FAF1: variants seen among roughly 807,000 people sequenced by gnomAD.
FAF1 encodes FAS-associated factor 1.
A neutral mutation model predicts 92.5 loss-of-function variants in FAF1; 25 were observed. The ratio of observed to expected loss-of-function variants is 0.27; its 90% CI spans 0.20 to 0.38. The LOEUF is 0.38. Among genes scored for constraint, FAF1 ranks in the 10% least tolerant of loss-of-function variants. The pLI is 1.00. For synonymous variants in FAF1, 234 were observed against 273.2 expected (o/e 0.86, Z 1.42); for missense variants, 636 against 793.3 (o/e 0.80, Z 2.38).
intron 7 of FAF1, among the ~76,000 whole-genome samples, chr1:50,673,256 C>CA (rs1387262409): frequency 0.017 from 1,961 of 118,326 alleles, 42 homozygotes; most frequent in African/African-American, 0.053. Flanking sequence ...GACTCTGTCT[C>CA]AAAAAAAAAA....
chr1:50,498,518 T>C (rs1302260552), intron 15 of FAF1, among the ~76,000 whole-genome samples: 1 of 152,130 alleles, frequency 6.6e-6, no homozygotes, highest in Non-Finnish European at 1.5e-5. Context: ...CCAGAATATA[T>C]AATAAACTCC....
chr1:50,453,842 G>T (rs1478691104), intron 18 of FAF1, among the ~76,000 whole-genome samples: 1 of 152,122 alleles, frequency 6.6e-6, no homozygotes, highest in East Asian at 1.9e-4. Context: ...CAGTTTAGTT[G>T]CCATATCCAC....
At position 50,539,638 on chromosome 1, in the gene FAF1, A is replaced by T; in HGVS notation, c.1359T>A (p.Ile453=). 6.2e-7 allele frequency: 1 copy of T among 1,612,892 alleles called. No individual in the cohort carries two copies. Among genetic ancestry groups the T allele is most frequent in the Non-Finnish European group, 8.5e-7 (1 of 1,179,192 alleles). The part of the protein sequence containing the change: ...QKTDQFPLFL[I]IMGKRSSNEV... ...CATTAGATGATCGCTTTCCCATAAT[A>T]ATCAGGAAAAGCGGAAACTGATCCG... is the stretch of plus-strand genomic sequence containing the variant. The change falls in exon 14 of 19, where the codon ATT becomes ATA. Residue 453 remains isoleucine, a synonymous_variant. Coordinates refer to ENST00000396153, the MANE Select transcript of FAF1 (RefSeq NM_007051.3).
At chr1:50,501,440 G>A (rs1572789241) in intron 15 of FAF1, among the ~76,000 whole-genome samples, 7 of 152,192 alleles carry the variant, frequency 4.6e-5, no homozygotes, top group East Asian at 1.9e-4. Flanking sequence ...CAAGGCAGGC[G>A]GATCACGAGG....
At chr1:50,822,999 T>G (rs1054764253) in intron 2 of FAF1, among the ~76,000 whole-genome samples, 3 of 152,020 alleles carry the variant, frequency 2.0e-5, no homozygotes, top group African/African-American at 4.8e-5. Flanking sequence ...GTCTCCAACT[T>G]CCGACCTCAG....
At chr1:50,826,946 C>T (rs955361235) in intron 2 of FAF1, among the ~76,000 whole-genome samples, 23 of 151,416 alleles carry the variant, frequency 1.5e-4, no homozygotes, top group South Asian at 6.3e-4. Flanking sequence ...TGTGCCCGGC[C>T]GCCCCGTCTG....
intron 1 of FAF1, among the ~76,000 whole-genome samples, chr1:50,922,476 A>AAAG (rs1644972298): frequency 6.8e-6 from 1 of 147,394 alleles, no homozygotes; most frequent in African/African-American, 2.5e-5. Context: ...AAAAAAAAAA[A>AAAG]AAAAAAGAAA....
chr1:50,453,921 G>A (rs1212975202), intron 18 of FAF1, among the ~76,000 whole-genome samples: 1 of 152,188 alleles, frequency 6.6e-6, no homozygotes, highest in Admixed American at 6.5e-5. Flanking sequence ...CTGCAAACCT[G>A]CCTCCTGACC....
At chr1:50,653,071 C>A (rs913943660) in intron 8 of FAF1, among the ~76,000 whole-genome samples, 19 of 152,092 alleles carry the variant, frequency 1.2e-4, no homozygotes, top group Admixed American at 1.2e-3. Flanking sequence ...CATGCCTCCT[C>A]AGGTAAACAG....
chr1:50,505,012 T>C (rs541755118), intron 15 of FAF1, among the ~76,000 whole-genome samples: 11 of 152,322 alleles, frequency 7.2e-5, no homozygotes, highest in African/African-American at 1.4e-4. Flanking sequence ...CTTGTAAGAC[T>C]GTAGAAGTCT....
intron 2 of FAF1, among the ~76,000 whole-genome samples, chr1:50,818,280 T>C (rs1643997418): frequency 6.6e-6 from 1 of 152,188 alleles, no homozygotes; most frequent in African/African-American, 2.4e-5. Flanking sequence ...GGAACTCTCA[T>C]ACATTACTGG....
intron 1 of FAF1, among the ~76,000 whole-genome samples, chr1:50,955,581 T>TC (rs1349779986): frequency 6.6e-6 from 1 of 152,126 alleles, no homozygotes; most frequent in Non-Finnish European, 1.5e-5. Flanking sequence ...ATATGACAGT[T>TC]CCTCAAAAAA....
At chr1:50,504,866 T>G (rs1647040665) in intron 15 of FAF1, among the ~76,000 whole-genome samples, 1 of 152,170 alleles carries the variant, frequency 6.6e-6, no homozygotes. Flanking sequence ...CAAGCAGTAT[T>G]GAAATCAATT....
At chr1:50,569,296 CAA>C (rs1430002781) in intron 12 of FAF1, among the ~76,000 whole-genome samples, 1 of 152,126 alleles carries the variant, frequency 6.6e-6, no homozygotes, top group Non-Finnish European at 1.5e-5. Context: ...CTAAATTTCT[CAA>C]AAGAGAGAAT....
intron 1 of FAF1, among the ~76,000 whole-genome samples, chr1:50,952,730 G>A (rs548654875): frequency 6.6e-6 from 1 of 152,048 alleles, no homozygotes; most frequent in Admixed American, 6.5e-5. Flanking sequence ...ACCCCGTCTG[G>A]GAACTGAGGA....
chr1:50,695,189 C>T (rs560641971), intron 7 of FAF1, among the ~76,000 whole-genome samples: 145 of 152,056 alleles, frequency 9.5e-4, no homozygotes, highest in Non-Finnish European at 1.8e-3. Flanking sequence ...AGGTGGATCA[C>T]CAGAGGTCAG....
chr1:50,580,814 C>T (rs973937129), intron 12 of FAF1, among the ~76,000 whole-genome samples: 1 of 152,114 alleles, frequency 6.6e-6, no homozygotes. Flanking sequence ...ACCTATTATC[C>T]AGGCTGGAGT....
chr1:50,954,491 C>T (rs1645247636), intron 1 of FAF1, among the ~76,000 whole-genome samples: 1 of 149,658 alleles, frequency 6.7e-6, no homozygotes, highest in South Asian at 2.1e-4. Flanking sequence ...GCCTGGAAAA[C>T]GTAACAAGAC....
chr1:50,711,282 G>C (rs555165522), intron 6 of FAF1, among the ~76,000 whole-genome samples: 23 of 152,088 alleles, frequency 1.5e-4, no homozygotes, highest in Non-Finnish European at 3.2e-4. Context: ...ACTTTTGAAG[G>C]GTACTCATAC....
Sources: allele counts gnomAD v4.1 joint callset (sites outside exome capture counted in the v4.1 genomes callset), GRCh38; gene constraint gnomAD v4.1.1; transcripts MANE v1.5; gene names NCBI Gene and HGNC (gene_info 2026-07-23, HGNC 2026-07-21).